RPS6KC1: variants seen among roughly 807,000 people sequenced by gnomAD.
The protein encoded by RPS6KC1 is ribosomal protein S6 kinase C1.
Under a neutral mutation model 103.8 loss-of-function variants are expected in RPS6KC1, and 54 were observed. That is an observed-to-expected ratio of 0.52 (90% CI 0.42 to 0.65). The LOEUF (loss-of-function observed/expected upper bound fraction) is 0.65, where lower values mean the gene tolerates loss of function less well. Ranked by LOEUF, RPS6KC1 falls within the 30% of genes least tolerant of loss-of-function variation. RPS6KC1 has a pLI of 0.00. For synonymous variants in RPS6KC1, 439 were observed against 438.7 expected (o/e 1.00, Z -0.01); for missense variants, 1,151 against 1,253.8 (o/e 0.92, Z 1.24).
chr1:213,575,883 G>T, the RPS6KC1 span, among the ~76,000 whole-genome samples: 19 of 152,284 alleles, frequency 1.2e-4, no homozygotes, highest in Admixed American at 7.8e-4. Context: ...CTGATCTTCA[G>T]TTATGTCCTC....
At chr1:213,649,442 T>C in the RPS6KC1 span, among the ~76,000 whole-genome samples, 1 of 152,050 alleles carries the variant, frequency 6.6e-6, no homozygotes, top group South Asian at 2.1e-4. Flanking sequence ...CACCTAGCCC[T>C]CTGGCCACAG....
chr1:213,108,132 T>A (rs1307521246), intron 4 of RPS6KC1, among the ~76,000 whole-genome samples: 3 of 152,156 alleles, frequency 2.0e-5, no homozygotes, highest in African/African-American at 7.2e-5. Context: ...AATTTATATA[T>A]ATTTTTTCTT....
At chr1:213,518,682 A>G in the RPS6KC1 span, among the ~76,000 whole-genome samples, 1 of 152,164 alleles carries the variant, frequency 6.6e-6, no homozygotes, top group East Asian at 1.9e-4. Context: ...ACTTTTATAA[A>G]TTACTGGGCA....
At chr1:213,677,612 ACT>A in the RPS6KC1 span, among the ~76,000 whole-genome samples, 360 of 152,198 alleles carry the variant, frequency 2.4e-3, 1 homozygote, top group African/African-American at 2.3e-3. Flanking sequence ...TTCTTTCCAG[ACT>A]CTGTTCAGAT....
intron 3 of RPS6KC1, among the ~76,000 whole-genome samples, chr1:213,088,156 G>T (rs562606384): frequency 6.6e-6 from 1 of 152,232 alleles, no homozygotes; most frequent in African/African-American, 2.4e-5. Context: ...TCTGGCAACT[G>T]TGGTTCAACG....
At chr1:213,856,792 C>T in the RPS6KC1 span, among the ~76,000 whole-genome samples, 6 of 151,960 alleles carry the variant, frequency 3.9e-5, no homozygotes, top group Admixed American at 1.3e-4. Flanking sequence ...TGTAGGCACA[C>T]GGTTTGATGG....
chr1:213,374,574 G>A, the RPS6KC1 span, among the ~76,000 whole-genome samples: 3 of 152,204 alleles, frequency 2.0e-5, no homozygotes, highest in Non-Finnish European at 4.4e-5. Context: ...GAAAGCTTCA[G>A]TGGAGAGGGA....
chr1:213,574,425 A>G, the RPS6KC1 span, among the ~76,000 whole-genome samples: 2 of 152,198 alleles, frequency 1.3e-5, no homozygotes, highest in Admixed American at 1.3e-4. Context: ...ATGAATCTCT[A>G]ATGGTAGAAT....
chr1:213,795,581 A>C, the RPS6KC1 span, among the ~76,000 whole-genome samples: 1 of 152,216 alleles, frequency 6.6e-6, no homozygotes, highest in South Asian at 2.1e-4. Context: ...TTCAAAGGTG[A>C]ATTTCTGGCT....
At chr1:213,660,714 T>C in the RPS6KC1 span, among the ~76,000 whole-genome samples, 2 of 138,764 alleles carry the variant, frequency 1.4e-5, no homozygotes, top group Admixed American at 7.5e-5. Context: ...TTCTTTACTC[T>C]TCATTCTATT....
At chr1:213,816,261 A>G in the RPS6KC1 span, among the ~76,000 whole-genome samples, 1 of 152,350 alleles carries the variant, frequency 6.6e-6, no homozygotes, top group East Asian at 1.9e-4. Flanking sequence ...TGATATTGGA[A>G]AAAGATGGCA....
At chr1:213,091,576 C>G (rs1021548893) in intron 3 of RPS6KC1, among the ~76,000 whole-genome samples, 2 of 152,144 alleles carry the variant, frequency 1.3e-5, no homozygotes, top group Non-Finnish European at 2.9e-5. Context: ...ATGTATTGGT[C>G]ATTTGAAAAA....
chr1:213,545,332 C>A, the RPS6KC1 span, among the ~76,000 whole-genome samples: 1 of 150,808 alleles, frequency 6.6e-6, no homozygotes, highest in Non-Finnish European at 1.5e-5. Flanking sequence ...GATCGGGCCA[C>A]TGCACTCCAG....
At chr1:213,494,215 A>G in the RPS6KC1 span, among the ~76,000 whole-genome samples, 2 of 152,122 alleles carry the variant, frequency 1.3e-5, no homozygotes, top group African/African-American at 4.8e-5. Context: ...ATGTCTTTTG[A>G]CAGACTCTAA....
chr1:213,726,185 A>G, the RPS6KC1 span, among the ~76,000 whole-genome samples: 1 of 152,158 alleles, frequency 6.6e-6, no homozygotes, highest in Admixed American at 6.5e-5. Flanking sequence ...TCCTGGGCTC[A>G]GGCGATCTTC....
the RPS6KC1 span, among the ~76,000 whole-genome samples, chr1:213,534,298 A>T: frequency 2.6e-4 from 40 of 152,356 alleles, no homozygotes; most frequent in African/African-American, 9.6e-4. Context: ...CTGGAAAAAC[A>T]CAGAGACTTA....
the RPS6KC1 span, among the ~76,000 whole-genome samples, chr1:213,553,014 AC>A: frequency 2.0e-5 from 3 of 151,436 alleles, no homozygotes; most frequent in African/African-American, 7.3e-5. Context: ...TTTCTTTCCA[AC>A]TTTTATTTTA....
At chr1:213,668,827 C>A in the RPS6KC1 span, among the ~76,000 whole-genome samples, 2 of 152,180 alleles carry the variant, frequency 1.3e-5, no homozygotes, top group Non-Finnish European at 1.5e-5. Context: ...ACACTTGCTG[C>A]CTCTTTTTGC....
chr1:213,481,987 C>T, the RPS6KC1 span, among the ~76,000 whole-genome samples: 1 of 152,026 alleles, frequency 6.6e-6, no homozygotes, highest in East Asian at 1.9e-4. Context: ...AAAGTATGTG[C>T]ACCTCCTTCC....
Sources: allele counts gnomAD v4.1 joint callset (sites outside exome capture counted in the v4.1 genomes callset), GRCh38; gene constraint gnomAD v4.1.1; transcripts MANE v1.5; gene names NCBI Gene and HGNC (gene_info 2026-07-23, HGNC 2026-07-21).